PCDH7: variants seen among roughly 807,000 people sequenced by gnomAD.
PCDH7 encodes protocadherin 7.
Under a neutral mutation model 58.9 loss-of-function variants are expected in PCDH7, and 17 were observed. The observed-to-expected ratio is 0.29, with a 90% CI of 0.20 to 0.43. PCDH7 has a LOEUF of 0.43. Among genes scored for constraint, PCDH7 ranks in the 20% least tolerant of loss-of-function variants. The pLI is 1.00. For missense variants in PCDH7, 1,274 were observed against 1,441.0 expected, an observed-to-expected ratio of 0.88 and a Z score of 1.88; for synonymous variants, 664 against 616.4, an observed-to-expected ratio of 1.08 and a Z score of -1.14.
chr4:30,909,056 A>G (rs115356151), intron 1 of PCDH7, among the ~76,000 whole-genome samples: 10,469 of 152,260 alleles, frequency 0.069, 442 homozygotes, highest in East Asian at 0.14. Flanking sequence ...AGTCCATCAG[A>G]TAAACAGAAC....
At chr4:30,734,141 A>C (rs1715911208), downstream of PCDH7, among the ~76,000 whole-genome samples, 2 of 151,952 alleles carry the variant, frequency 1.3e-5, no homozygotes, top group Non-Finnish European at 2.9e-5. Context: ...TCTCTCTGGG[A>C]ATAATTTTCT....
chr4:30,824,348 A>T (rs946827963), intron 1 of PCDH7, among the ~76,000 whole-genome samples: 1 of 151,970 alleles, frequency 6.6e-6, no homozygotes, highest in Non-Finnish European at 1.5e-5. Context: ...TTCTCCTGGG[A>T]AACTTCAGAT....
At chr4:30,930,651 G>C (rs2109425522) in intron 2 of PCDH7, among the ~76,000 whole-genome samples, 1 of 152,298 alleles carries the variant, frequency 6.6e-6, no homozygotes, top group East Asian at 1.9e-4. Context: ...ACAAAATCAG[G>C]CTGGGCAAGG....
intron 3 of PCDH7, among the ~76,000 whole-genome samples, chr4:30,999,627 A>G (rs1752189398): frequency 6.6e-6 from 1 of 152,146 alleles, no homozygotes; most frequent in Non-Finnish European, 1.5e-5. Flanking sequence ...CCTTTTGTAA[A>G]GACACGGGAC....
chr4:31,056,459 A>AAGAAAGAAAGAAAGAT (rs1757202167), intron 3 of PCDH7, among the ~76,000 whole-genome samples: 1 of 1,680 alleles, frequency 6.0e-4, no homozygotes, highest in Non-Finnish European at 9.4e-4. Context: ...AGAAAGAAAG[A>AAGAAAGAAAGAAAGAT]AGAAAGAAAG....
chr4:30,945,920 C>G (rs1746617703), intron 2 of PCDH7, among the ~76,000 whole-genome samples: 1 of 152,104 alleles, frequency 6.6e-6, no homozygotes, highest in Admixed American at 6.6e-5. Context: ...CTGCCTATAA[C>G]ATTATGGACA....
intron 1 of PCDH7, among the ~76,000 whole-genome samples, chr4:30,780,293 G>A (rs979433486): frequency 2.0e-5 from 3 of 152,048 alleles, no homozygotes; most frequent in Admixed American, 2.0e-4. Flanking sequence ...ATCATCTGAG[G>A]TCAGGAGTTC....
chr4:30,922,231 A>C (rs1351461971), intron 2 of PCDH7, among the ~76,000 whole-genome samples: 1 of 151,846 alleles, frequency 6.6e-6, no homozygotes, highest in African/African-American at 2.4e-5. Context: ...TGATAAATAG[A>C]GCATACCTAG....
intron 1 of PCDH7, among the ~76,000 whole-genome samples, chr4:30,855,460 G>A (rs1733335458): frequency 6.6e-6 from 1 of 152,130 alleles, no homozygotes; most frequent in Non-Finnish European, 1.5e-5. Flanking sequence ...GCTGCTGTTT[G>A]CGGCAAACTC....
chr4:31,096,795 G>C, intron 3 of PCDH7, among the ~76,000 whole-genome samples: 1 of 152,118 alleles, frequency 6.6e-6, no homozygotes, highest in Middle Eastern at 3.4e-3. Context: ...GGTTAATAAC[G>C]TTTATTATTG....
intron 1 of PCDH7, among the ~76,000 whole-genome samples, chr4:30,750,965 G>C (rs1718433770): frequency 8.0e-6 from 1 of 124,760 alleles, no homozygotes; most frequent in South Asian, 2.4e-4. Context: ...GGTACTTTTT[G>C]GTGCAGGGAA....
chr4:31,043,815 T>C (rs1756078255), intron 3 of PCDH7, among the ~76,000 whole-genome samples: 1 of 152,100 alleles, frequency 6.6e-6, no homozygotes, highest in Non-Finnish European at 1.5e-5. Flanking sequence ...TTAGTTAATA[T>C]TTTCAAGAGG....
chr4:31,005,720 C>T (rs1428729259), intron 3 of PCDH7, among the ~76,000 whole-genome samples: 1 of 152,114 alleles, frequency 6.6e-6, no homozygotes. Flanking sequence ...ATACGTGAAA[C>T]ATAGCAACAT....
At chr4:30,729,537 T>C (rs1372756489) in intron 1 of PCDH7, among the ~76,000 whole-genome samples, 1 of 152,068 alleles carries the variant, frequency 6.6e-6, no homozygotes, top group Non-Finnish European at 1.5e-5. Flanking sequence ...GAATTTTTAA[T>C]ATTAGCAGAA....
chr4:31,027,894 C>T (rs1467212858), intron 3 of PCDH7, among the ~76,000 whole-genome samples: 1 of 152,032 alleles, frequency 6.6e-6, no homozygotes, highest in Admixed American at 6.6e-5. Context: ...CCTGCTTATC[C>T]TTTATTGGTA....
intron 3 of PCDH7, among the ~76,000 whole-genome samples, chr4:31,137,704 G>A (rs545949807): frequency 1.3e-5 from 2 of 152,274 alleles, no homozygotes; most frequent in South Asian, 2.1e-4. Context: ...ACAAATTGGA[G>A]GAATGGTGTG....
exon 2 of PCDH7, chr4:30,731,287 C>T (rs1490362660): frequency 3.2e-6 from 1 of 313,656 alleles, no homozygotes; most frequent in Non-Finnish European, 4.6e-6. Context: ...ATCTTTTGCT[C>T]ATTCTGTGTG....
At chr4:30,802,513 CAG>C (rs1346234945) in intron 1 of PCDH7, among the ~76,000 whole-genome samples, 1 of 151,784 alleles carries the variant, frequency 6.6e-6, no homozygotes, top group Non-Finnish European at 1.5e-5. Context: ...AAGATCCTGT[CAG>C]AGGCAGGAAG....
intron 1 of PCDH7, among the ~76,000 whole-genome samples, chr4:30,818,971 T>G (rs1728025081): frequency 6.6e-6 from 1 of 152,198 alleles, no homozygotes; most frequent in African/African-American, 2.4e-5. Context: ...CCTAACCATT[T>G]TGAGTTTCCA....
Sources: allele counts gnomAD v4.1 joint callset (sites outside exome capture counted in the v4.1 genomes callset), GRCh38; gene constraint gnomAD v4.1.1; transcripts MANE v1.5; gene names NCBI Gene and HGNC (gene_info 2026-07-23, HGNC 2026-07-21).